ZSCAN31: variants seen among roughly 807,000 people sequenced by gnomAD.
ZSCAN31 encodes zinc finger and SCAN domain-containing protein 31.
Under a neutral mutation model 22.5 loss-of-function variants are expected in ZSCAN31, and 14 were observed. The observed-to-expected ratio is 0.62, with a 90% CI of 0.41 to 0.97. The LOEUF is 0.97. ZSCAN31 is among the 50% of genes least tolerant of loss of function. The pLI is 0.00. For missense variants in ZSCAN31, 424 were observed against 483.4 expected (o/e 0.88, Z 1.15); for synonymous variants, 168 against 169.8 (o/e 0.99, Z 0.08).
At chr6:28,345,250 T>C (rs1764600931) in intron 2 of ZSCAN31, among the ~76,000 whole-genome samples, 2 of 150,184 alleles carry the variant, frequency 1.3e-5, no homozygotes, top group Non-Finnish European at 3.0e-5. Flanking sequence ...CCTATAAGAG[T>C]GGGAAGAAAG....
In ZSCAN31 at chr6:28,331,321, T is replaced by C. The variant is rs111548211; in HGVS notation, c.-95-1543A>G. On this transcript the variant is annotated intron_variant, in intron 1 of 3. Coordinates refer to ENST00000344279, the MANE Select transcript of ZSCAN31 (RefSeq NM_030899.5). This position sits in a 1 kb window ranked among gnomAD's most constrained non-coding sequence, Gnocchi z 4.8. ...GTGTAATTTAAGTTTTATATGATTT[T>C]TGCCCAATGCTAATTGAATTATTAA... 2.3e-3 allele frequency among the ~76,000 whole-genome samples: 356 copies of C among 152,342 alleles called. No individual in the cohort carries two copies. Among genetic ancestry groups the C allele is most frequent in the African/African-American group, 8.1e-3 (335 of 41,588 alleles).
Position 28,329,541 on chromosome 6 carries a change from T to A in ZSCAN31, c.143A>T (p.Gln48Leu), listed in dbSNP as rs777166085. 25 of 1,614,078 alleles carry A rather than the reference T, an allele frequency of 1.5e-5. No individual in the cohort carries two copies. The South Asian group carries it at 2.6e-4, about 17-fold the overall frequency. The change falls in exon 2 of 4, where the codon CAA becomes CTA. Residue 48 changes from glutamine to leucine, a missense_variant. Physicochemically the swap from Gln to Leu is moderately radical, Grantham distance 113. Coordinates refer to ENST00000344279, the MANE Select transcript of ZSCAN31 (RefSeq NM_030899.5). ...AGCTTCTCGGGGACCAGGAGTCTCT[T>A]GGTAACAAAACTGCCTAAAAAGTTG... The part of the protein sequence containing the change: ...SRQLFRQFCY[Q>L]ETPGPREALS...
chr6:28,341,441 A>T (rs1390053401), intron 3 of ZSCAN31, among the ~76,000 whole-genome samples: 1 of 152,182 alleles, frequency 6.6e-6, no homozygotes, highest in African/African-American at 2.4e-5. Flanking sequence ...GGCTCCCTCT[A>T]GCCTTTTCTT....
intron 2 of ZSCAN31, among the ~76,000 whole-genome samples, chr6:28,352,970 T>C (rs931647952): frequency 4.8e-5 from 7 of 144,824 alleles, no homozygotes; most frequent in Non-Finnish European, 8.9e-5. Context: ...TTTTCTTTTT[T>C]TTTTTTTTTT....
upstream of ZSCAN31, among the ~76,000 whole-genome samples, chr6:28,340,414 T>C (rs988841628): frequency 5.3e-5 from 8 of 152,252 alleles, no homozygotes; most frequent in African/African-American, 1.9e-4. Context: ...TCCTTGCTAT[T>C]CTCATGATAC....
chr6:28,329,813 A>G, intron 1 of ZSCAN31, 35 bp from the exon 2 acceptor site: 1 of 1,215,454 alleles, frequency 8.2e-7, no homozygotes, highest in South Asian at 1.7e-5. Context: ...ATGGAAATAA[A>G]TCATAAAGTA....
At position 28,326,686 on chromosome 6, in the gene ZSCAN31, G is replaced by A; in HGVS notation, c.701C>T (p.Thr234Ile). 1.2e-6 allele frequency: 2 copies of A among 1,614,208 alleles called. No individual in the cohort carries two copies. The highest frequency in any genetic ancestry group is 1.7e-6 in the Non-Finnish European group (2 of 1,180,038). The part of the protein sequence containing the change: ...SKAEKQQAHS[T>I]GERRHRCNEC... ...ATTGCACCTGTGGCGTCTCTCTCCA[G>A]TGGAATGTGCCTGCTGCTTTTCTGC... is the stretch of plus-strand genomic sequence containing the variant. Residue 234 changes from threonine to isoleucine, a missense_variant, in exon 4 of 4, where the codon ACT (threonine) becomes ATT (isoleucine). Transcript: ENST00000344279.
chr6:28,339,750 C>T (rs374018478), upstream of ZSCAN31, among the ~76,000 whole-genome samples: 14 of 152,300 alleles, frequency 9.2e-5, no homozygotes, highest in East Asian at 1.9e-3. Flanking sequence ...CTAAAATTCT[C>T]TATTGTTATT....
chr6:28,334,935 T>C (rs1329004066), intron 1 of ZSCAN31, among the ~76,000 whole-genome samples: 4 of 152,170 alleles, frequency 2.6e-5, no homozygotes, highest in African/African-American at 9.7e-5. Flanking sequence ...AGTTATGAGG[T>C]TGGTGGTTTT....
Position 28,326,582 on chromosome 6 carries a change from A to G in ZSCAN31, c.805T>C (p.Cys269Arg). The change falls in exon 4 of 4, where the codon TGT becomes CGT. Residue 269 changes from cysteine (C) to arginine (R), a missense_variant. Coordinates refer to ENST00000344279, the MANE Select transcript of ZSCAN31 (RefSeq NM_030899.5). Reference protein sequence around the residue: ...RIHTGEKPYECEECGKAFSRR... With the variant: ...RIHTGEKPYEREECGKAFSRR... ...CTGAAGGCCTTCCCACATTCTTCACATTCATATGGCTTCTCCCCAGTGTGG... is the reference window on the plus strand; with the variant it reads ...CTGAAGGCCTTCCCACATTCTTCACGTTCATATGGCTTCTCCCCAGTGTGG... The G allele has an allele frequency of 6.2e-7, 1 of 1,614,112 alleles. No individual in the cohort carries two copies. Among genetic ancestry groups the G allele is most frequent in the Non-Finnish European group, 8.5e-7 (1 of 1,180,020 alleles).
chr6:28,335,007 A>G (rs1416920), intron 1 of ZSCAN31, among the ~76,000 whole-genome samples: 61,725 of 152,056 alleles, frequency 0.41, 15,728 homozygotes, highest in African/African-American at 0.72. Context: ...TTAAATAAAA[A>G]TTACGTGTAT....
chr6:28,326,410 T>G lies in ZSCAN31; in HGVS notation c.977A>C (p.Lys326Thr), dbSNP rs1763268012. ...IHTGEKPYEC[K>T]VCGKAFLLSS... is the part of the protein sequence containing the mutation. ...GAGGAGGAAAGCCTTCCCACACACT[T>G]TGCATTCATATGGTTTTTCCCCTGT... Residue 326 changes from lysine to threonine, a missense_variant, in exon 4 of 4, where the codon AAA becomes ACA. By Grantham distance (78) the Lys-to-Thr change is moderately conservative. Coordinates refer to ENST00000344279, the MANE Select transcript of ZSCAN31 (RefSeq NM_030899.5). 6.2e-7 allele frequency: 1 copy of G among 1,614,022 alleles called. No individual in the cohort carries two copies. The highest frequency in any genetic ancestry group is 8.5e-7 in the Non-Finnish European group (1 of 1,180,008).
rs970037881 is a variant in ZSCAN31 at position 28,347,814 on chromosome 6, A to G, written c.-370-6022T>C. Among the ~76,000 whole-genome samples, 3 of 152,178 alleles carry G rather than the reference A, an allele frequency of 2.0e-5. No homozygotes were observed. The highest frequency in any genetic ancestry group is 4.8e-5 in the African/African-American group (2 of 41,428). On this transcript the variant is annotated intron_variant, in intron 2 of 7. Coordinates refer to the ZSCAN31 transcript ENST00000396838. The surrounding 1 kb of genome is among the most constrained non-coding windows in gnomAD (Gnocchi z 5.2). ...TTACCATATATTTCAACTTTACTAT[A>G]TATTTCAAAATTGCTTTTTTAGATG...
chr6:28,327,610 A>G, intron 2 of ZSCAN31, 77 bp from the exon 3 acceptor site: 2 of 1,443,012 alleles, frequency 1.4e-6, no homozygotes, highest in Non-Finnish European at 1.9e-6. Flanking sequence ...AAGATATCAC[A>G]TGGAACTATA....
intron 2 of ZSCAN31, among the ~76,000 whole-genome samples, chr6:28,344,879 C>T (rs1764573870): frequency 6.6e-6 from 1 of 151,614 alleles, no homozygotes; most frequent in Non-Finnish European, 1.5e-5. Flanking sequence ...CCTGTAATCC[C>T]AGCACTTTGG....
At chr6:28,340,857 A>G (rs1249975388), upstream of ZSCAN31, among the ~76,000 whole-genome samples, 3 of 151,982 alleles carry the variant, frequency 2.0e-5, no homozygotes, top group Non-Finnish European at 4.4e-5. Flanking sequence ...TCCAGCTGTC[A>G]CTTCCCTTCA....
upstream of ZSCAN31, among the ~76,000 whole-genome samples, chr6:28,340,324 C>T (rs1458266231): frequency 6.6e-6 from 1 of 152,212 alleles, no homozygotes; most frequent in Non-Finnish European, 1.5e-5. Context: ...ACCCAAATGT[C>T]ATCTTGAATT....
chr6:28,329,590 A>G lies in ZSCAN31; in HGVS notation c.94T>C (p.Phe32Leu), dbSNP rs1315442533. The G allele has an allele frequency of 6.2e-7, 1 of 1,614,094 alleles. No homozygotes were observed. The highest frequency in any genetic ancestry group is 8.5e-7 in the Non-Finnish European group (1 of 1,180,040). ...TGTCGGGAGGCTTCTTGGCCAGAAA[A>G]GTTGTTCCCTCGAAGGTGGGTTTCT... is the stretch of plus-strand genomic sequence containing the variant. ...DQETHLRGNN[F>L]SGQEASRQLF... Residue 32 changes from phenylalanine (F) to leucine (L), a missense_variant, in exon 2 of 4, where the codon TTT (phenylalanine) becomes CTT (leucine). Physicochemically the swap from Phe to Leu is conservative, Grantham distance 22. Coordinates refer to ENST00000344279, the MANE Select transcript of ZSCAN31 (RefSeq NM_030899.5).
intron 2 of ZSCAN31, among the ~76,000 whole-genome samples, chr6:28,328,650 G>T (rs950527108): frequency 6.6e-6 from 1 of 152,052 alleles, no homozygotes; most frequent in Non-Finnish European, 1.5e-5. Flanking sequence ...TTATTACAGG[G>T]TCCTGAGGCA....
Sources: allele counts gnomAD v4.1 joint callset (sites outside exome capture counted in the v4.1 genomes callset), GRCh38; gene constraint gnomAD v4.1.1; non-coding constraint Gnocchi (gnomAD v3.1); transcripts MANE v1.5; gene names NCBI Gene and HGNC (gene_info 2026-07-23, HGNC 2026-07-21).